Variants in NRXN1 observed in about 807,000 individuals in gnomAD.
NRXN1 encodes neurexin-1.
Under a neutral mutation model 150.9 loss-of-function variants are expected in NRXN1, and 39 were observed. The observed-to-expected ratio is 0.26, with a 90% CI of 0.20 to 0.34. The LOEUF (loss-of-function observed/expected upper bound fraction) is 0.34. Ranked by LOEUF, NRXN1 falls within the 10% of genes least tolerant of loss-of-function variation. NRXN1 has a pLI of 1.00. For synonymous variants in NRXN1, 924 were observed against 757.0 expected (o/e 1.22, Z -3.62); for missense variants, 1,815 against 1,949.9 (o/e 0.93, Z 1.30).
chr2:50,828,834 A>T (rs570211541), intron 5 of NRXN1, among the ~76,000 whole-genome samples: 1 of 152,136 alleles, frequency 6.6e-6, no homozygotes, highest in Non-Finnish European at 1.5e-5. Flanking sequence ...GGTGGCGGCC[A>T]GGCAGAGGCT....
chr2:50,026,938 G>C (rs1688423550), intron 21 of NRXN1, among the ~76,000 whole-genome samples: 2 of 125,158 alleles, frequency 1.6e-5, no homozygotes, highest in African/African-American at 6.1e-5. Context: ...TGGAGTGCCA[G>C]TGGCGTGATC....
intron 21 of NRXN1, among the ~76,000 whole-genome samples, chr2:49,966,841 G>A (rs1027082791): frequency 5.9e-5 from 9 of 152,012 alleles, no homozygotes; most frequent in East Asian, 1.9e-4. Context: ...ATTTCCCAAC[G>A]AAACCAAAAG....
At chr2:50,515,422 C>G (rs923138758) in intron 12 of NRXN1, among the ~76,000 whole-genome samples, 1 of 152,084 alleles carries the variant, frequency 6.6e-6, no homozygotes, top group Non-Finnish European at 1.5e-5. Context: ...TGAAATCACT[C>G]CCGTCTGTGG....
At chr2:50,474,305 G>A (rs1229833523) in intron 15 of NRXN1, among the ~76,000 whole-genome samples, 2 of 151,802 alleles carry the variant, frequency 1.3e-5, no homozygotes, top group Non-Finnish European at 2.9e-5. Context: ...TAGACTCTTC[G>A]AGGAATGAAA....
chr2:50,940,787 G>T (rs886426032), intron 2 of NRXN1, among the ~76,000 whole-genome samples: 4 of 151,776 alleles, frequency 2.6e-5, no homozygotes, highest in Non-Finnish European at 5.9e-5. Context: ...AAATACAAGG[G>T]GAAAAATAAT....
intron 5 of NRXN1, among the ~76,000 whole-genome samples, chr2:50,865,734 T>C (rs923700450): frequency 2.2e-5 from 3 of 138,458 alleles, no homozygotes; most frequent in Non-Finnish European, 4.6e-5. Context: ...CCAGTAAACA[T>C]TTGATAGTTT....
At chr2:50,182,284 T>C (rs755846876) in intron 18 of NRXN1, among the ~76,000 whole-genome samples, 2 of 151,990 alleles carry the variant, frequency 1.3e-5, no homozygotes, top group Non-Finnish European at 2.9e-5. Context: ...ATAAGGTACA[T>C]TTCATAAGAT....
At chr2:50,407,093 T>A (rs1520444) in intron 17 of NRXN1, among the ~76,000 whole-genome samples, 35,900 of 152,048 alleles carry the variant, frequency 0.24, 4,558 homozygotes, top group East Asian at 0.43. Context: ...ATACATTTTT[T>A]AAAAAATTAT....
intron 5 of NRXN1, among the ~76,000 whole-genome samples, chr2:50,779,564 C>T (rs1023567074): frequency 3.3e-5 from 5 of 151,914 alleles, no homozygotes; most frequent in East Asian, 1.9e-4. Context: ...GTCAGGAGAC[C>T]GAGACCATCC....
intron 17 of NRXN1, among the ~76,000 whole-genome samples, chr2:50,313,611 A>C (rs2075355149): frequency 1.3e-5 from 2 of 152,104 alleles, no homozygotes; most frequent in African/African-American, 4.8e-5. Context: ...CCGAAGACTT[A>C]AGCAGAAAGC....
At chr2:50,358,265 G>A (rs939190782) in intron 17 of NRXN1, among the ~76,000 whole-genome samples, 1 of 152,180 alleles carries the variant, frequency 6.6e-6, no homozygotes, top group African/African-American at 2.4e-5. Flanking sequence ...GATGAAGCCA[G>A]GAAGCCAAGT....
At chr2:50,284,093 A>G (rs1384532953) in intron 17 of NRXN1, among the ~76,000 whole-genome samples, 2 of 152,178 alleles carry the variant, frequency 1.3e-5, no homozygotes, top group Admixed American at 6.5e-5. Context: ...TGAGTCTTCA[A>G]TGCACATTCA....
chr2:50,053,207 C>T, intron 21 of NRXN1, 64 bp downstream of exon 21: 1 of 1,544,716 alleles, frequency 6.5e-7, no homozygotes. Context: ...GACGCATATG[C>T]AGAAAAGCCC....
intron 2 of NRXN1, among the ~76,000 whole-genome samples, chr2:51,022,043 A>G (rs2105286483): frequency 6.6e-6 from 1 of 152,188 alleles, no homozygotes; most frequent in Non-Finnish European, 1.5e-5. Context: ...TTGTCTTTAT[A>G]AACTGAAACT....
chr2:50,042,448 G>GT (rs1308493213), intron 21 of NRXN1, among the ~76,000 whole-genome samples: 1 of 152,138 alleles, frequency 6.6e-6, no homozygotes, highest in African/African-American at 2.4e-5. Context: ...TGCCATGATT[G>GT]TAAGTTTCCT....
intron 9 of NRXN1, among the ~76,000 whole-genome samples, chr2:50,550,825 G>T (rs1476975364): frequency 6.6e-6 from 1 of 151,672 alleles, no homozygotes; most frequent in South Asian, 2.1e-4. Flanking sequence ...GGGACTACAG[G>T]CACCGCCACC....
At chr2:50,667,970 T>G (rs569860047) in intron 5 of NRXN1, among the ~76,000 whole-genome samples, 32 of 152,144 alleles carry the variant, frequency 2.1e-4, no homozygotes, top group African/African-American at 7.5e-4. Context: ...ACAAAATGCC[T>G]TAAACCAAGT....
intron 12 of NRXN1, among the ~76,000 whole-genome samples, chr2:50,518,151 G>A (rs1035341300): frequency 1.6e-4 from 24 of 151,982 alleles, no homozygotes; most frequent in Admixed American, 1.6e-3. Flanking sequence ...TTTTTAAGAA[G>A]AGAATTACAT....
chr2:50,040,314 C>A (rs1459135587), intron 21 of NRXN1, among the ~76,000 whole-genome samples: 2 of 150,808 alleles, frequency 1.3e-5, no homozygotes, highest in Non-Finnish European at 3.0e-5. Flanking sequence ...CTTAAAGCAA[C>A]AAAATTTATA....
Sources: allele counts gnomAD v4.1 joint callset (sites outside exome capture counted in the v4.1 genomes callset), GRCh38; gene constraint gnomAD v4.1.1; transcripts MANE v1.5; gene names NCBI Gene and HGNC (gene_info 2026-07-23, HGNC 2026-07-21).